Variants in MAML3 observed in about 807,000 individuals in gnomAD.
The protein encoded by MAML3 is mastermind like transcriptional coactivator 3.
In MAML3, 27 loss-of-function variants were observed where a neutral mutation model predicts 101.9. The ratio of observed to expected loss-of-function variants is 0.27; its 90% CI spans 0.20 to 0.37. The LOEUF is 0.37. MAML3 is among the 10% of genes least tolerant of loss of function. The pLI is 1.00. For missense variants in MAML3, 1,316 were observed against 1,444.9 expected (o/e 0.91, Z 1.45); for synonymous variants, 501 against 555.9 (o/e 0.90, Z 1.39).
At chr4:139,980,591 T>C (rs1443382579) in intron 1 of MAML3, among the ~76,000 whole-genome samples, 1 of 152,188 alleles carries the variant, frequency 6.6e-6, no homozygotes, top group Non-Finnish European at 1.5e-5. Flanking sequence ...GTGCTTTTAG[T>C]CTAATGATCG....
At chr4:139,811,653 G>T (rs761827156) in intron 2 of MAML3, among the ~76,000 whole-genome samples, 1 of 152,174 alleles carries the variant, frequency 6.6e-6, no homozygotes, top group Non-Finnish European at 1.5e-5. Flanking sequence ...GATGGTAAAG[G>T]TATTTCTTAG....
intron 2 of MAML3, among the ~76,000 whole-genome samples, chr4:139,873,678 A>G (rs1028017187): frequency 6.6e-6 from 1 of 152,162 alleles, no homozygotes; most frequent in African/African-American, 2.4e-5. Context: ...CCCTGTGGGG[A>G]GGTCCATGTG....
chr4:139,775,325 C>T (rs1178351735), intron 2 of MAML3, among the ~76,000 whole-genome samples: 1 of 152,138 alleles, frequency 6.6e-6, no homozygotes, highest in African/African-American at 2.4e-5. Context: ...CAAAATAACC[C>T]CCTACAGGAT....
intron 1 of MAML3, among the ~76,000 whole-genome samples, chr4:139,968,837 G>A (rs1166095675): frequency 6.6e-6 from 1 of 152,080 alleles, no homozygotes; most frequent in South Asian, 2.1e-4. Flanking sequence ...AGGGAGTACA[G>A]AAAGCAAATC....
intron 1 of MAML3, among the ~76,000 whole-genome samples, chr4:140,148,020 T>G (rs913898371): frequency 3.3e-5 from 5 of 152,162 alleles, no homozygotes; most frequent in African/African-American, 1.2e-4. Flanking sequence ...CAGTTGGCCA[T>G]TAGTCTCACA....
rs1419266250 is a variant in MAML3, at chr4:139,719,486, T to G, written c.3254A>C (p.Glu1085Ala). 1.2e-6 allele frequency: 2 copies of G among 1,613,926 alleles called. No individual in the cohort carries two copies. The highest frequency in any genetic ancestry group is 2.7e-5 in the African/African-American group (2 of 74,940). The change falls in exon 5 of 5, where the codon GAG becomes GCG. Residue 1085 changes from glutamate to alanine, a missense_variant. Coordinates refer to ENST00000509479, the MANE Select transcript of MAML3 (RefSeq NM_018717.5). The part of the protein sequence containing the change: ...FAPSSQSQAY[E>A]RNAPQDVSYN... ...TGACACGTCCTGAGGGGCATTCCGCTCATAGGCTTGGCTCTGGCTGCTTGG... is the reference window on the plus strand; with the variant it reads ...TGACACGTCCTGAGGGGCATTCCGCGCATAGGCTTGGCTCTGGCTGCTTGG...
intron 1 of MAML3, among the ~76,000 whole-genome samples, chr4:140,093,388 C>CT (rs1728094750): frequency 6.6e-6 from 1 of 151,566 alleles, no homozygotes; most frequent in Non-Finnish European, 1.5e-5. Context: ...TGGATCCTAA[C>CT]CACAAAAGCT....
At chr4:139,994,257 C>T (rs188588285) in intron 1 of MAML3, among the ~76,000 whole-genome samples, 17 of 152,316 alleles carry the variant, frequency 1.1e-4, no homozygotes, top group South Asian at 6.2e-4. Flanking sequence ...TTACAGTTTT[C>T]AGTGTATAAG....
At chr4:140,080,042 G>C (rs565260679) in intron 1 of MAML3, among the ~76,000 whole-genome samples, 1 of 152,186 alleles carries the variant, frequency 6.6e-6, no homozygotes, top group Admixed American at 6.5e-5. Context: ...TAAAAAATAC[G>C]ATACTCCCTT....
chr4:139,822,276 T>G (rs1263420146), intron 2 of MAML3, among the ~76,000 whole-genome samples: 2 of 129,896 alleles, frequency 1.5e-5, no homozygotes, highest in Non-Finnish European at 3.3e-5. Flanking sequence ...ACCACCATCA[T>G]CATCATCATT....
In MAML3 at chr4:140,083,957, CACACACACACAGAGAGAGAGAGAG is replaced by C. The variant is rs980772253; in HGVS notation, c.468+68879_468+68902del. 3.3e-4 allele frequency among the ~76,000 whole-genome samples: 9 copies of C among 27,334 alleles called. No homozygotes were observed. In the East Asian group the frequency reaches 5.4e-3, roughly 16 times the overall value. The allele number at this position is 27,334 out of a possible 152,430, so 17.9% of individuals were successfully genotyped here. ...GCACACACACACACACACACACACA[CACACACACACAGAGAGAGAGAGAG>C]AGAGAGAGAGAGAGAGAGAGAGAGA... On this transcript the variant is annotated intron_variant, in intron 1 of 4. Transcript: ENST00000509479.
chr4:140,120,105 C>T (rs1392142859), intron 1 of MAML3, among the ~76,000 whole-genome samples: 4 of 151,868 alleles, frequency 2.6e-5, no homozygotes, highest in African/African-American at 7.3e-5. Context: ...GGCGTGGTGG[C>T]GGGCGCCTGT....
chr4:140,067,600 C>T (rs1195390410), intron 1 of MAML3, among the ~76,000 whole-genome samples: 1 of 152,032 alleles, frequency 6.6e-6, no homozygotes, highest in East Asian at 1.9e-4. Flanking sequence ...ACTCAATGGC[C>T]AAGATTAGGC....
intron 1 of MAML3, among the ~76,000 whole-genome samples, chr4:140,071,222 ACTCT>A (rs767574418): frequency 6.6e-6 from 1 of 151,934 alleles, no homozygotes; most frequent in Non-Finnish European, 1.5e-5. Flanking sequence ...CTCCGCACAC[ACTCT>A]CTCTCTTTCT....
In MAML3 at chr4:139,889,503, G is replaced by T; in HGVS notation, c.1933C>A (p.Gln645Lys). 1 of 1,610,020 alleles carries T rather than the reference G, an allele frequency of 6.2e-7. No homozygotes were observed. The highest frequency in any genetic ancestry group is 1.7e-4 in the Middle Eastern group (1 of 6,048). Residue 645 changes from glutamine to lysine, a missense_variant, in exon 2 of 5, where the codon CAG becomes AAG. By Grantham distance (53) the Gln-to-Lys change is moderately conservative. Coordinates refer to ENST00000509479, the MANE Select transcript of MAML3 (RefSeq NM_018717.5). The stretch of plus-strand genomic sequence containing the variant: ...GGTGGCGGCTGCTGCTGCTGCTGCT[G>T]CTGCTGTTGCTGTTGCTGCTGCTGT... Reference protein sequence around the residue: ...QQQQQQQQQQQQQQQQPPPPQ... With the variant: ...QQQQQQQQQQKQQQQQPPPPQ...
intron 1 of MAML3, among the ~76,000 whole-genome samples, chr4:139,909,110 C>CT (rs1379538662): frequency 2.0e-5 from 3 of 152,262 alleles, no homozygotes; most frequent in Admixed American, 6.5e-5. Flanking sequence ...AACTGGAGTT[C>CT]CTTGGCAGAA....
chr4:139,926,229 TA>T (rs1181818467), intron 1 of MAML3, among the ~76,000 whole-genome samples: 3 of 152,220 alleles, frequency 2.0e-5, no homozygotes, highest in Non-Finnish European at 4.4e-5. Flanking sequence ...AGAAGTCATG[TA>T]TAGAAAGAAT....
At chr4:140,128,301 TAC>T (rs1051187549) in intron 1 of MAML3, among the ~76,000 whole-genome samples, 8 of 152,128 alleles carry the variant, frequency 5.3e-5, no homozygotes, top group African/African-American at 1.9e-4. Flanking sequence ...AGAGTTTAGA[TAC>T]AGTCACAGAT....
chr4:139,789,411 G>C (rs1354993976), intron 2 of MAML3, among the ~76,000 whole-genome samples: 2 of 152,154 alleles, frequency 1.3e-5, no homozygotes, highest in East Asian at 3.9e-4. Context: ...TTTCACAAGA[G>C]GGGTGGGTAG....
Sources: gnomAD v4.1 joint callset for allele counts (sites outside exome capture counted in the v4.1 genomes callset) on GRCh38, gnomAD v4.1.1 for gene constraint, MANE v1.5 for transcripts, NCBI Gene and HGNC (gene_info 2026-07-23, HGNC 2026-07-21) for gene names.